The following EVC variants were observed in gnomAD, a reference collection of about 807,000 sequenced individuals.
The protein encoded by EVC is evC complex member EVC.
Under a neutral mutation model 118.9 loss-of-function variants are expected in EVC, and 116 were observed. That is an observed-to-expected ratio of 0.98 (90% CI 0.84 to 1.14). The LOEUF (loss-of-function observed/expected upper bound fraction) is 1.14, where lower values mean the gene tolerates loss of function less well. EVC is among the 50% of genes most tolerant of loss of function. EVC has a pLI of 0.00. For missense variants in EVC, 1,401 were observed against 1,246.4 expected, an observed-to-expected ratio of 1.12 and a Z score of -1.87; for synonymous variants, 619 against 534.7, an observed-to-expected ratio of 1.16 and a Z score of -2.18.
chr4:5,724,811 G>T (rs138745485), intron 2 of EVC, among the ~76,000 whole-genome samples: 127 of 152,038 alleles, frequency 8.4e-4, no homozygotes, highest in African/African-American at 2.9e-3. Flanking sequence ...TGCCATGGTG[G>T]TTTGCTGCTT....
At chr4:5,824,291 T>A in the EVC span, 1 of 985,254 alleles carries the variant, frequency 1.0e-6, no homozygotes, top group African/African-American at 1.7e-5. Context: ...CACATGACTT[T>A]TAGCATTCTA....
the EVC span, chr4:5,827,973 A>AAGGAACGACAGGGC: frequency 1.1e-6 from 1 of 924,428 alleles, no homozygotes; most frequent in Non-Finnish European, 1.3e-6. Flanking sequence ...CAAGGAAAAT[A>AAGGAACGACAGGGC]AGGAACGACA....
intron 15 of EVC, among the ~76,000 whole-genome samples, chr4:5,800,112 A>G (rs1026812661): frequency 6.6e-6 from 1 of 152,250 alleles, no homozygotes; most frequent in Non-Finnish European, 1.5e-5. Flanking sequence ...TGGGAGGCCA[A>G]GGCGGGTGGA....
chr4:5,823,795 AAAC>A, the EVC span, among the ~76,000 whole-genome samples: 11,075 of 152,282 alleles, frequency 0.073, 677 homozygotes, highest in African/African-American at 0.17. Flanking sequence ...TGAGCCAAGT[AAAC>A]CTCTTTAATT....
At chr4:5,775,692 G>A (rs1405106430) in intron 11 of EVC, among the ~76,000 whole-genome samples, 6 of 152,108 alleles carry the variant, frequency 3.9e-5, no homozygotes, top group Admixed American at 3.9e-4. Context: ...CTAGTGATGG[G>A]CTTTGGAGTC....
intron 2 of EVC, among the ~76,000 whole-genome samples, chr4:5,722,527 T>C (rs910729394): frequency 2.0e-5 from 3 of 152,180 alleles, no homozygotes; most frequent in African/African-American, 4.8e-5. Context: ...AACCAGGGCC[T>C]TGTGGTTCCT....
At chr4:5,778,890 G>A (rs561712088) in intron 11 of EVC, among the ~76,000 whole-genome samples, 5 of 152,114 alleles carry the variant, frequency 3.3e-5, no homozygotes, top group African/African-American at 1.2e-4. Context: ...ATTGCTTTTG[G>A]TGTTTTAGAC....
At chr4:5,828,811 A>C in the EVC span, 13 of 1,012,458 alleles carry the variant, frequency 1.3e-5, no homozygotes, top group Non-Finnish European at 1.7e-5. Flanking sequence ...TATTGACTGT[A>C]ATATTCCACT....
chr4:5,751,637 C>G (rs1395527899), intron 8 of EVC, among the ~76,000 whole-genome samples: 1 of 152,224 alleles, frequency 6.6e-6, no homozygotes, highest in East Asian at 1.9e-4. Context: ...GTGGGCGACT[C>G]AGGCCTGGCC....
chr4:5,745,255 A>G lies in EVC; in HGVS notation c.853A>G (p.Met285Val), dbSNP rs1464387798. 3.7e-6 allele frequency: 6 copies of G among 1,614,002 alleles called. No homozygotes were observed. Among genetic ancestry groups the G allele is most frequent in the Non-Finnish European group, 5.1e-6 (6 of 1,179,992 alleles). The part of the protein sequence containing the change: ...GLQVKLSNTE[M>V]SGAGDSEYIT... ...TCAGGTCAAACTGTCAAACACAGAA[A>G]TGTCGGGGGCTGGTGACTCTGAGTA... Residue 285 changes from methionine (M) to valine (V), a missense_variant, in exon 7 of 21, where the codon ATG becomes GTG. Physicochemically the swap from Met to Val is conservative, Grantham distance 21. Coordinates refer to ENST00000264956, the MANE Select transcript of EVC (RefSeq NM_153717.3).
At position 5,742,091 on chromosome 4, in the gene EVC, A is replaced by G. The variant is rs1292348305; in HGVS notation, c.801+277A>G. Among the ~76,000 whole-genome samples the G allele has an allele frequency of 6.6e-6, 1 of 152,190 alleles. No homozygotes were observed. Among genetic ancestry groups the G allele is most frequent in the Non-Finnish European group, 1.5e-5 (1 of 68,024 alleles). On this transcript the variant is annotated intron_variant, in intron 6 of 20. Transcript: ENST00000264956. The surrounding 1 kb of genome is among the most constrained non-coding windows in gnomAD (Gnocchi z 5.2). Reference sequence around the variant, plus strand: ...ATGTTTTTTTCTGCACACATTTGGGATATTTTTAAAGACATAATTTGTTTA... The same window carrying G: ...ATGTTTTTTTCTGCACACATTTGGGGTATTTTTAAAGACATAATTTGTTTA...
the EVC span, chr4:5,825,483 C>T: frequency 1.9e-6 from 3 of 1,559,852 alleles, no homozygotes; most frequent in Admixed American, 2.2e-5. This position sits in a 1 kb window ranked among gnomAD's most constrained non-coding sequence, Gnocchi z 4.4. Flanking sequence ...TGGGCCACCA[C>T]TCTTTCCTAC....
chr4:5,801,907 G>T, intron 15 of EVC, 43 bp from the exon 16 acceptor site: 2 of 1,606,892 alleles, frequency 1.2e-6, no homozygotes, highest in Non-Finnish European at 1.7e-6. Flanking sequence ...TGGCTCCCAC[G>T]TGTGACTTCT....
chr4:5,827,949 G>A, the EVC span: 2 of 756,536 alleles, frequency 2.6e-6, no homozygotes, highest in Non-Finnish European at 3.2e-6. Flanking sequence ...CCTGAGGTCA[G>A]TGCTAAGGTT....
At chr4:5,828,513 G>C in the EVC span, 1 of 1,614,240 alleles carries the variant, frequency 6.2e-7, no homozygotes, top group Non-Finnish European at 8.5e-7. Context: ...TGACGCGCTG[G>C]TACAGGTGCT....
intron 17 of EVC, 65 bp from the exon 18 acceptor site, chr4:5,808,136 T>TA (rs2152386615): frequency 1.9e-4 from 59 of 306,520 alleles, no homozygotes; most frequent in East Asian, 9.9e-4. Flanking sequence ...TCCTTCTCCC[T>TA]CCCTCCCTCC....
At chr4:5,801,329 T>C (rs11728838) in intron 15 of EVC, among the ~76,000 whole-genome samples, 43,254 of 152,050 alleles carry the variant, frequency 0.28, 7,161 homozygotes, top group South Asian at 0.54. Context: ...GCATTCCAGG[T>C]AGGAGGAGGG....
chr4:5,779,637 CTGTT>C (rs1245777296), intron 11 of EVC, among the ~76,000 whole-genome samples: 2 of 96,144 alleles, frequency 2.1e-5, no homozygotes, highest in African/African-American at 5.6e-5. Context: ...ATTTGGCTCT[CTGTT>C]TGTCTGTTGT....
intron 1 of EVC, among the ~76,000 whole-genome samples, chr4:5,712,626 C>T (rs1401615398): frequency 1.3e-5 from 2 of 152,186 alleles, no homozygotes; most frequent in Admixed American, 6.5e-5. Context: ...TGAGACAGAT[C>T]TTGTGCGGTT....
Sources: allele counts gnomAD v4.1 joint callset (sites outside exome capture counted in the v4.1 genomes callset), GRCh38; gene constraint gnomAD v4.1.1; non-coding constraint Gnocchi (gnomAD v3.1); transcripts MANE v1.5; gene names NCBI Gene and HGNC (gene_info 2026-07-23, HGNC 2026-07-21).